Variants in TRPM5 observed in about 807,000 individuals in gnomAD.
TRPM5 encodes the protein MLSN1 and TRP-related.
Under a neutral mutation model 124.9 loss-of-function variants are expected in TRPM5, and 121 were observed. That is an observed-to-expected ratio of 0.97 (90% CI 0.84 to 1.13). The LOEUF (loss-of-function observed/expected upper bound fraction) is 1.13. Among genes scored for constraint, TRPM5 ranks in the 50% most tolerant of loss-of-function variants. The pLI is 0.00. For missense variants in TRPM5, 1,643 were observed against 1,589.1 expected, an observed-to-expected ratio of 1.03 and a Z score of -0.58; for synonymous variants, 781 against 700.5, an observed-to-expected ratio of 1.11 and a Z score of -1.81.
chr11:2,439,166 C>T, the TRPM5 span, among the ~76,000 whole-genome samples: 1 of 152,178 alleles, frequency 6.6e-6, no homozygotes, highest in Non-Finnish European at 1.5e-5. Flanking sequence ...TCACCATATG[C>T]ACAAGTGACA....
intron 21 of TRPM5, 45 bp from the exon 27 acceptor site, chr11:2,406,136 C>A (rs779642512): frequency 3.7e-6 from 6 of 1,601,752 alleles, no homozygotes; most frequent in South Asian, 2.2e-5. Flanking sequence ...CCACGCGGTG[C>A]TCTGCGTGTG....
At chr11:2,420,836 G>A (rs1221856189) in intron 3 of TRPM5, among the ~76,000 whole-genome samples, 196 bp downstream of exon 8, 1 of 152,176 alleles carries the variant, frequency 6.6e-6, no homozygotes, top group East Asian at 1.9e-4. Flanking sequence ...GAGGGGGTGA[G>A]GGCCCGCGCC....
chr11:2,431,554 C>T, the TRPM5 span, among the ~76,000 whole-genome samples: 3,077 of 152,286 alleles, frequency 0.02, 83 homozygotes, highest in African/African-American at 0.066. Flanking sequence ...CCCAGCCACC[C>T]CTGGTTCAGT....
rs1850430832 is a variant in TRPM5 at position 2,410,830 on chromosome 11, C to T, written c.2782+522G>A. The T allele has an allele frequency of 2.4e-5, 9 of 373,584 alleles. No individual in the cohort carries two copies. The Middle Eastern group carries it at 1.6e-3, about 68-fold the overall frequency. 23.1% of individuals were successfully genotyped at this position (373,584 alleles called of 1,614,324 possible). A position where few individuals can be genotyped will look rare whatever the true frequency, so the allele number is the denominator to read the frequency against. On this transcript the variant is annotated intron_variant, in intron 18 of 23. Transcript: ENST00000155858. ...GGTGCCTTTAGGAGCGGCCAAATGG[C>T]GAAGGGGCCTTGCCAGCAGGACGGC...
chr11:2,414,893 CG>C lies in TRPM5; in HGVS notation c.1620+13del. On this transcript the variant is annotated intron_variant, in intron 10 of 23. Coordinates refer to ENST00000155858, the Ensembl canonical transcript of TRPM5. ...CTCCCCTGCCCCCGCGCTGGGCCCGCGGCCTGGGCTCACCATGGCCCAGAAG... is the reference window on the plus strand; with the variant it reads ...CTCCCCTGCCCCCGCGCTGGGCCCGCGCCTGGGCTCACCATGGCCCAGAAG... 6.3e-7 allele frequency: 1 copy of C among 1,599,208 alleles called. No homozygotes were observed. Among genetic ancestry groups the C allele is most frequent in the East Asian group, 2.3e-5 (1 of 44,272 alleles).
chr11:2,441,504 C>T, the TRPM5 span, among the ~76,000 whole-genome samples: 1 of 152,116 alleles, frequency 6.6e-6, no homozygotes, highest in African/African-American at 2.4e-5. This position sits in a 1 kb window ranked among gnomAD's most constrained non-coding sequence, Gnocchi z 7.2. Flanking sequence ...CTCAGTTCCC[C>T]ACCCATCCCC....
chr11:2,413,759 C>G (rs919420856), intron 12 of TRPM5, among the ~76,000 whole-genome samples, 171 bp from the exon 18 acceptor site: 1 of 152,214 alleles, frequency 6.6e-6, no homozygotes, highest in African/African-American at 2.4e-5. Flanking sequence ...CCTTGGGCCA[C>G]TCATCCCAGG....
At chr11:2,435,770 C>T in the TRPM5 span, among the ~76,000 whole-genome samples, 2 of 152,196 alleles carry the variant, frequency 1.3e-5, no homozygotes, top group Non-Finnish European at 2.9e-5. This position sits in a 1 kb window ranked among gnomAD's most constrained non-coding sequence, Gnocchi z 4.1. Flanking sequence ...CCCACCCATC[C>T]ATCCATCTGT....
At chr11:2,415,784 G>T in intron 8 of TRPM5, 122 bp downstream of exon 13, 1 of 756,554 alleles carries the variant, frequency 1.3e-6, no homozygotes, top group South Asian at 1.7e-5. Context: ...TCTTGCCCCG[G>T]ACCTTGGGAC....
At chr11:2,409,782 C>T (rs1850405872) in intron 18 of TRPM5, among the ~76,000 whole-genome samples, 1 of 152,196 alleles carries the variant, frequency 6.6e-6, no homozygotes, top group South Asian at 2.1e-4. Context: ...CAGTGGGCGG[C>T]CGGGGCTGGC....
At chr11:2,413,174 G>C in exon 14 of TRPM5, 1 of 1,552,716 alleles carries the variant, frequency 6.4e-7, no homozygotes, top group Non-Finnish European at 8.7e-7. Context: ...TCCGTGTCCA[G>C]GCTGTCCAGG....
Position 2,421,213 on chromosome 11 carries a change from G to C in TRPM5, c.299-15C>G. 6.5e-7 allele frequency: 1 copy of C among 1,531,786 alleles called. No individual in the cohort carries two copies. The highest frequency in any genetic ancestry group is 2.5e-5 in the East Asian group (1 of 39,802). The allele number at this position is 1,531,786 out of a possible 1,614,324, so 94.9% of individuals were successfully genotyped here. ...GATCCAGGCTCCTGTGGGGATGGAAGAGGGCCTCGTTGTGCCGCACGCCCC... is the reference window on the plus strand; with the variant it reads ...GATCCAGGCTCCTGTGGGGATGGAACAGGGCCTCGTTGTGCCGCACGCCCC... On this transcript the variant is annotated splice_polypyrimidine_tract_variant and intron_variant, in intron 2 of 23. Coordinates refer to ENST00000155858, the Ensembl canonical transcript of TRPM5.
chr11:2,418,587 A>G (rs114287073), exon 5 of TRPM5: 13 of 1,610,952 alleles, frequency 8.1e-6, no homozygotes, highest in Non-Finnish European at 1.1e-5. Context: ...CGATGCTGCC[A>G]GTGCCTGTGG....
exon 4 of TRPM5, chr11:2,420,232 C>T (rs574445475): frequency 3.6e-5 from 57 of 1,601,976 alleles, no homozygotes; most frequent in South Asian, 2.5e-4. Context: ...CCCCGTAGCC[C>T]GCCCTCTGCT....
intron 8 of TRPM5, 60 bp downstream of exon 13, chr11:2,415,846 A>C: frequency 8.0e-7 from 1 of 1,243,978 alleles, no homozygotes. Flanking sequence ...AGGAGCAGGC[A>C]GCGTGGGCAG....
intron 1 of TRPM5, 126 bp downstream of exon 6, chr11:2,422,794 T>A: frequency 2.5e-6 from 2 of 812,926 alleles, no homozygotes; most frequent in South Asian, 2.8e-5. Flanking sequence ...GCTCTGAATA[T>A]GGCCCCAGGG....
At chr11:2,417,813 G>A (rs143111698) in exon 7 of TRPM5, 8 of 1,581,552 alleles carry the variant, frequency 5.1e-6, no homozygotes, top group Admixed American at 1.8e-5. Context: ...GTGCTGGTGT[G>A]AGGTGATGTT....
At chr11:2,417,391 C>G (rs909602531) in intron 7 of TRPM5, among the ~76,000 whole-genome samples, 3 of 152,124 alleles carry the variant, frequency 2.0e-5, no homozygotes, top group Non-Finnish European at 2.9e-5. Context: ...GGAGGTGGAG[C>G]TTGCAGTGAG....
rs549834480 is a variant in TRPM5, at chr11:2,414,747, G to A, written c.1712C>T (p.Thr571Met). The change falls in exon 11 of 24, where the codon ACG (threonine) becomes ATG (methionine). Residue 571 changes from threonine to methionine, a missense_variant. By Grantham distance (81) the Thr-to-Met change is moderately conservative. Coordinates refer to ENST00000155858, the Ensembl canonical transcript of TRPM5. Reference sequence around the variant, plus strand: ...CAGCCGCTCGTATTTCGCCTCGCGCGTGGCTCGGGCCGCCTCGGCCTCCGT... The same window carrying A: ...CAGCCGCTCGTATTTCGCCTCGCGCATGGCTCGGGCCGCCTCGGCCTCCGT... 429 of 1,546,416 alleles carry A rather than the reference G, an allele frequency of 2.8e-4. 1 individual carries two copies. Among genetic ancestry groups the A allele is most frequent in the Non-Finnish European group, 3.6e-4 (409 of 1,145,862 alleles).
Sources: allele counts gnomAD v4.1 joint callset (sites outside exome capture counted in the v4.1 genomes callset), GRCh38; gene constraint gnomAD v4.1.1; non-coding constraint Gnocchi (gnomAD v3.1); transcripts MANE v1.5; gene names NCBI Gene and HGNC (gene_info 2026-07-23, HGNC 2026-07-21).